SUCLG2: variants seen among roughly 807,000 people sequenced by gnomAD.
SUCLG2 encodes the protein succinate-CoA ligase GDP-forming subunit beta.
Under a neutral mutation model 47.9 loss-of-function variants are expected in SUCLG2, and 42 were observed. That is an observed-to-expected ratio of 0.88 (90% CI 0.69 to 1.14). The LOEUF (loss-of-function observed/expected upper bound fraction) is 1.14, where lower values mean the gene tolerates loss of function less well. SUCLG2 is among the 50% of genes most tolerant of loss of function. The pLI, the probability that SUCLG2 is intolerant of heterozygous loss-of-function variation, is 0.00. For synonymous variants in SUCLG2, 195 were observed against 197.3 expected, an observed-to-expected ratio of 0.99 and a Z score of 0.10; for missense variants, 571 against 525.9, an observed-to-expected ratio of 1.09 and a Z score of -0.84.
At chr3:67,596,223 C>A (rs1165155317) in intron 2 of SUCLG2, among the ~76,000 whole-genome samples, 1 of 152,156 alleles carries the variant, frequency 6.6e-6, no homozygotes, top group African/African-American at 2.4e-5. Flanking sequence ...ACACTTCCAT[C>A]GGAAAACACC....
chr3:67,477,738 AC>A (rs1421868351), intron 9 of SUCLG2, among the ~76,000 whole-genome samples: 1 of 152,120 alleles, frequency 6.6e-6, no homozygotes, highest in African/African-American at 2.4e-5. Context: ...AGTCTGTCTG[AC>A]CCACGACACT....
At chr3:67,464,339 A>C (rs146969995) in intron 9 of SUCLG2, among the ~76,000 whole-genome samples, 1 of 152,168 alleles carries the variant, frequency 6.6e-6, no homozygotes, top group Non-Finnish European at 1.5e-5. Flanking sequence ...TGGGTGTGCA[A>C]TTTTACAAGC....
intron 2 of SUCLG2, among the ~76,000 whole-genome samples, chr3:67,543,436 A>G (rs908575577): frequency 6.6e-6 from 1 of 152,096 alleles, no homozygotes; most frequent in African/African-American, 2.4e-5. Flanking sequence ...GGAGGCTGAG[A>G]CAGGTGGGTT....
intron 2 of SUCLG2, among the ~76,000 whole-genome samples, chr3:67,537,233 C>A (rs933096730): frequency 6.6e-6 from 1 of 152,026 alleles, no homozygotes; most frequent in Non-Finnish European, 1.5e-5. Context: ...CCCAACCCAC[C>A]GACAGGCCCC....
At chr3:67,386,534 C>A (rs1477425399) in intron 10 of SUCLG2, among the ~76,000 whole-genome samples, 1 of 152,170 alleles carries the variant, frequency 6.6e-6, no homozygotes, top group Non-Finnish European at 1.5e-5. Context: ...CTCAAAGTTC[C>A]ACATGGCTGA....
At chr3:67,450,825 A>G (rs1704039492) in intron 9 of SUCLG2, among the ~76,000 whole-genome samples, 1 of 152,208 alleles carries the variant, frequency 6.6e-6, no homozygotes, top group Non-Finnish European at 1.5e-5. Context: ...GCCCATGGCT[A>G]TCTTTCTTCC....
chr3:67,504,067 C>T (rs1166220307), intron 7 of SUCLG2, among the ~76,000 whole-genome samples: 1 of 152,218 alleles, frequency 6.6e-6, no homozygotes, highest in Admixed American at 6.5e-5. Context: ...AAGCAACGTA[C>T]TGCGTTTGAT....
At chr3:67,457,799 G>A (rs1704225878) in intron 9 of SUCLG2, among the ~76,000 whole-genome samples, 1 of 145,360 alleles carries the variant, frequency 6.9e-6, no homozygotes, top group Non-Finnish European at 1.5e-5. Flanking sequence ...TACCATGCAT[G>A]AGACACAGTG....
intron 1 of SUCLG2, among the ~76,000 whole-genome samples, chr3:67,628,698 G>A (rs780684783): frequency 1.2e-4 from 18 of 152,160 alleles, no homozygotes; most frequent in Non-Finnish European, 1.9e-4. Context: ...TGCACATGCT[G>A]TCTTGCCTGC....
intron 1 of SUCLG2, among the ~76,000 whole-genome samples, chr3:67,652,539 T>C (rs543668948): frequency 3.9e-5 from 6 of 152,280 alleles, no homozygotes; most frequent in Non-Finnish European, 7.4e-5. Context: ...AATTTGAAAA[T>C]AGCAATACTC....
chr3:67,630,579 A>C (rs1700908345), intron 1 of SUCLG2, among the ~76,000 whole-genome samples: 1 of 152,232 alleles, frequency 6.6e-6, no homozygotes, highest in Admixed American at 6.5e-5. Flanking sequence ...CTTATGTATA[A>C]AGATAGATGG....
At position 67,560,843 on chromosome 3, in the gene SUCLG2, G is replaced by A. The variant is rs536663377; in HGVS notation, c.227-31657C>T. 4.3e-4 allele frequency among the ~76,000 whole-genome samples: 65 copies of A among 151,752 alleles called. No homozygotes were observed. In the South Asian group the frequency reaches 0.013, roughly 30 times the overall value. On this transcript the variant is annotated intron_variant, in intron 2 of 10. Transcript: ENST00000307227. ...CCTTCAGGTTAGGAAACAGCAAGACGTGGAAGTTTCTGCCTAGCCTTGAGA... is the reference window on the plus strand; with the variant it reads ...CCTTCAGGTTAGGAAACAGCAAGACATGGAAGTTTCTGCCTAGCCTTGAGA...
intron 9 of SUCLG2, among the ~76,000 whole-genome samples, chr3:67,470,405 C>A (rs1648532117): frequency 6.6e-6 from 1 of 152,180 alleles, no homozygotes; most frequent in Non-Finnish European, 1.5e-5. Context: ...CTTTTCTCTA[C>A]AATGATGCAA....
chr3:67,360,529 A>G, exon 11 of SUCLG2: 1 of 1,260,442 alleles, frequency 7.9e-7, no homozygotes, highest in Non-Finnish European at 1.1e-6. Flanking sequence ...TTCCATTTCC[A>G]TTAGCATGCA....
intron 2 of SUCLG2, among the ~76,000 whole-genome samples, chr3:67,600,402 T>C (rs536016884): frequency 6.6e-6 from 1 of 152,354 alleles, no homozygotes; most frequent in African/African-American, 2.4e-5. Context: ...GTGTTTCGTT[T>C]ATCTTTGTTG....
At position 67,565,052 on chromosome 3, in the gene SUCLG2, T is replaced by A. The variant is rs550469181; in HGVS notation, c.227-35866A>T. On this transcript the variant is annotated intron_variant, in intron 2 of 10. Coordinates refer to ENST00000307227, the MANE Select transcript of SUCLG2 (RefSeq NM_003848.4). ...ATTTGAAATTAAAGTAATGAGTGAG[T>A]GACTCTGGTACCTAACAGACTCAAT... is the stretch of plus-strand genomic sequence containing the variant. 9.2e-5 allele frequency among the ~76,000 whole-genome samples: 14 copies of A among 152,158 alleles called. No individual in the cohort carries two copies. The South Asian group carries it at 2.9e-3, about 32-fold the overall frequency.
chr3:67,507,863 G>A (rs73088956), intron 7 of SUCLG2, among the ~76,000 whole-genome samples: 7,327 of 152,284 alleles, frequency 0.048, 354 homozygotes, highest in East Asian at 0.23. Flanking sequence ...GGTTCATGGT[G>A]CTTACAGTCT....
At chr3:67,543,613 C>T (rs569790554) in intron 2 of SUCLG2, among the ~76,000 whole-genome samples, 2 of 152,180 alleles carry the variant, frequency 1.3e-5, no homozygotes, top group South Asian at 4.2e-4. Flanking sequence ...TGCAGTGAGC[C>T]ATGATTATGT....
At chr3:67,576,100 G>A (rs1707735816) in intron 2 of SUCLG2, among the ~76,000 whole-genome samples, 1 of 152,110 alleles carries the variant, frequency 6.6e-6, no homozygotes, top group Admixed American at 6.5e-5. Flanking sequence ...GGAAAAGATG[G>A]GTCTCCTTGC....
Sources: gnomAD v4.1 joint callset for allele counts (sites outside exome capture counted in the v4.1 genomes callset) on GRCh38, gnomAD v4.1.1 for gene constraint, MANE v1.5 for transcripts, NCBI Gene and HGNC (gene_info 2026-07-23, HGNC 2026-07-21) for gene names.